Variants in BICRAL observed in about 807,000 individuals in gnomAD.
BICRAL encodes the protein BRD4-interacting chromatin-remodeling complex-associated protein-like.
A neutral mutation model predicts 91.8 loss-of-function variants in BICRAL; 8 were observed. That is an observed-to-expected ratio of 0.09 (90% CI 0.05 to 0.16). BICRAL has a LOEUF of 0.16. Among genes scored for constraint, BICRAL ranks in the 10% least tolerant of loss-of-function variants. BICRAL has a pLI of 1.00. For synonymous variants in BICRAL, 445 were observed against 491.1 expected (o/e 0.91, Z 1.24); for missense variants, 1,038 against 1,310.9 (o/e 0.79, Z 3.21).
intron 1 of BICRAL, among the ~76,000 whole-genome samples, chr6:42,770,216 T>C (rs1334880050): frequency 6.6e-6 from 1 of 152,020 alleles, no homozygotes; most frequent in Non-Finnish European, 1.5e-5. Context: ...TGTTCTTCCC[T>C]CTCTTAGTTT....
intron 1 of BICRAL, among the ~76,000 whole-genome samples, chr6:42,807,119 C>T (rs1763731178): frequency 6.6e-6 from 1 of 152,230 alleles, no homozygotes; most frequent in Non-Finnish European, 1.5e-5. Context: ...GCGTGAGCCA[C>T]CATGCCCAGC....
chr6:42,819,814 G>A (rs1272786293), intron 2 of BICRAL, among the ~76,000 whole-genome samples: 2 of 152,082 alleles, frequency 1.3e-5, no homozygotes, highest in Non-Finnish European at 2.9e-5. Flanking sequence ...GAATTCTCAG[G>A]GTGCCCCTGA....
At chr6:42,845,723 T>C (rs990812043) in intron 6 of BICRAL, among the ~76,000 whole-genome samples, 2 of 151,924 alleles carry the variant, frequency 1.3e-5, no homozygotes, top group Non-Finnish European at 2.9e-5. Flanking sequence ...TGCGCCGGTT[T>C]CCAATACTTA....
In BICRAL at chr6:42,828,732, C is replaced by T; in HGVS notation, c.399C>T (p.Ser133=). 1.2e-6 allele frequency: 2 copies of T among 1,614,194 alleles called. No homozygotes were observed. The highest frequency in any genetic ancestry group is 1.3e-5 in the African/African-American group (1 of 75,060). ...EAYLDASIGS[S]QQFAQAQLHP... Reference sequence around the variant, plus strand: ...ATTTGGATGCCAGTATAGGTTCAAGCCAACAGTTTGCACAAGCTCAGCTTC... The same window carrying T: ...ATTTGGATGCCAGTATAGGTTCAAGTCAACAGTTTGCACAAGCTCAGCTTC... The change falls in exon 6 of 13, where the codon AGC becomes AGT. Residue 133 remains serine, a synonymous_variant. Coordinates refer to ENST00000314073, the MANE Select transcript of BICRAL (RefSeq NM_001393499.1).
chr6:42,814,405 A>G (rs1232254498), intron 2 of BICRAL, among the ~76,000 whole-genome samples: 1 of 144,356 alleles, frequency 6.9e-6, no homozygotes, highest in Non-Finnish European at 1.5e-5. Flanking sequence ...TATACACAAC[A>G]CACATGTATA....
intron 1 of BICRAL, among the ~76,000 whole-genome samples, chr6:42,800,529 C>A (rs1264698654): frequency 6.6e-6 from 1 of 150,952 alleles, no homozygotes; most frequent in Non-Finnish European, 1.5e-5. Context: ...CTGATTTTGT[C>A]CACACATTTT....
At chr6:42,804,774 A>G (rs4714628) in intron 1 of BICRAL, among the ~76,000 whole-genome samples, 70,309 of 151,960 alleles carry the variant, frequency 0.46, 17,578 homozygotes, top group African/African-American at 0.66. Context: ...AAACCATACA[A>G]TCTAAAAGTT....
At chr6:42,859,654 T>A (rs1018031058) in intron 10 of BICRAL, among the ~76,000 whole-genome samples, 3 of 152,036 alleles carry the variant, frequency 2.0e-5, no homozygotes, top group Non-Finnish European at 2.9e-5. Context: ...ATATATATTT[T>A]TTTTTGAGAC....
At chr6:42,813,438 T>C (rs1392874060) in intron 2 of BICRAL, among the ~76,000 whole-genome samples, 1 of 152,198 alleles carries the variant, frequency 6.6e-6, no homozygotes, top group African/African-American at 2.4e-5. Context: ...TCAGTATCTT[T>C]AAAGAACTGA....
At chr6:42,792,391 C>T (rs9369386) in intron 1 of BICRAL, among the ~76,000 whole-genome samples, 72,041 of 151,234 alleles carry the variant, frequency 0.48, 18,804 homozygotes, top group African/African-American at 0.7. Context: ...TCAGCCTCTA[C>T]TGAGTAGCTG....
At chr6:42,822,372 C>CG (rs1276982455) in intron 3 of BICRAL, among the ~76,000 whole-genome samples, 1 of 151,076 alleles carries the variant, frequency 6.6e-6, no homozygotes, top group East Asian at 1.9e-4. Context: ...TCCCAAGTAG[C>CG]GGGGACTACA....
Position 42,816,822 on chromosome 6 carries a change from G to A in BICRAL, c.-5-5196G>A, listed in dbSNP as rs183456005. ...GAGGTCAGGAGATCAAGACCATCCT[G>A]GCTAACATGGTGAAACCCAGTCTCT... On this transcript the variant is annotated intron_variant, in intron 2 of 12. Coordinates refer to ENST00000314073, the MANE Select transcript of BICRAL (RefSeq NM_001393499.1). Among the ~76,000 whole-genome samples the A allele has an allele frequency of 6.1e-3, 924 of 151,980 alleles. 11 individuals are homozygous for A. The highest frequency in any genetic ancestry group is 0.022 in the African/African-American group (894 of 41,472).
chr6:42,758,722 A>AG (rs963993547), intron 1 of BICRAL, among the ~76,000 whole-genome samples: 2 of 152,016 alleles, frequency 1.3e-5, no homozygotes, highest in African/African-American at 2.4e-5. Flanking sequence ...CAAAAAAAAA[A>AG]AAAAAAGAAA....
At chr6:42,746,378 G>C (rs1278930902), upstream of BICRAL, among the ~76,000 whole-genome samples, 2 of 152,084 alleles carry the variant, frequency 1.3e-5, no homozygotes. Context: ...TTGCAGCAGC[G>C]GCAGCTGCAC....
At chr6:42,779,085 TG>T (rs921548678), upstream of BICRAL, among the ~76,000 whole-genome samples, 4 of 151,614 alleles carry the variant, frequency 2.6e-5, no homozygotes, top group African/African-American at 9.7e-5. Context: ...AGTGTGCTGG[TG>T]TGCACTTATA....
Sources: allele counts gnomAD v4.1 joint callset (sites outside exome capture counted in the v4.1 genomes callset), GRCh38; gene constraint gnomAD v4.1.1; transcripts MANE v1.5; gene names NCBI Gene and HGNC (gene_info 2026-07-23, HGNC 2026-07-21).